Variants in SORCS2 observed in about 807,000 individuals in gnomAD.
SORCS2 encodes the protein sortilin related VPS10 domain containing receptor 2.
Under a neutral mutation model 141.6 loss-of-function variants are expected in SORCS2, and 100 were observed. The observed-to-expected ratio is 0.71, with a 90% CI of 0.60 to 0.83. The LOEUF is 0.83. Ranked by LOEUF, SORCS2 falls within the 40% of genes least tolerant of loss-of-function variation. The pLI is 0.00. For synonymous variants in SORCS2, 789 were observed against 676.9 expected (o/e 1.17, Z -2.57); for missense variants, 1,646 against 1,560.2 (o/e 1.05, Z -0.93).
chr4:7,270,168 A>G (rs1715019804), intron 1 of SORCS2, among the ~76,000 whole-genome samples: 1 of 152,260 alleles, frequency 6.6e-6, no homozygotes, highest in South Asian at 2.1e-4. Flanking sequence ...GGCATGAGCC[A>G]CCGTGCCCAT....
At chr4:7,657,716 CTGAG>C (rs750791883) in intron 5 of SORCS2, among the ~76,000 whole-genome samples, 3 of 149,626 alleles carry the variant, frequency 2.0e-5, no homozygotes, top group Admixed American at 6.6e-5. Flanking sequence ...GAGTGAGTAG[CTGAG>C]TGAGTGAGTC....
intron 2 of SORCS2, among the ~76,000 whole-genome samples, chr4:7,502,019 T>C: frequency 6.6e-6 from 1 of 152,226 alleles, no homozygotes; most frequent in Admixed American, 6.5e-5. Context: ...GCCCCTACAG[T>C]GCAGTCCTTC....
chr4:7,323,959 G>T (rs1719070987), intron 1 of SORCS2, among the ~76,000 whole-genome samples: 1 of 152,152 alleles, frequency 6.6e-6, no homozygotes, highest in Admixed American at 6.5e-5. Flanking sequence ...CATTTGCAGA[G>T]ACCCCACTGT....
chr4:7,266,801 A>C (rs1231008700), intron 1 of SORCS2, among the ~76,000 whole-genome samples: 1 of 152,194 alleles, frequency 6.6e-6, no homozygotes, highest in African/African-American at 2.4e-5. Context: ...GTTCTGCCTC[A>C]GTGGCTCCAG....
intron 1 of SORCS2, among the ~76,000 whole-genome samples, chr4:7,288,551 G>A (rs1245316656): frequency 1.7e-5 from 2 of 120,414 alleles, no homozygotes; most frequent in Admixed American, 8.0e-5. Flanking sequence ...TCCCAGGGGC[G>A]GGGGGCGGGG....
chr4:7,253,196 G>T (rs768732103), intron 1 of SORCS2, among the ~76,000 whole-genome samples: 2 of 152,180 alleles, frequency 1.3e-5, no homozygotes, highest in African/African-American at 4.8e-5. Context: ...AGGTCTTATC[G>T]CCATCCCTGT....
intron 1 of SORCS2, among the ~76,000 whole-genome samples, chr4:7,366,472 C>G (rs1016582098): frequency 3.6e-4 from 5 of 13,738 alleles, no homozygotes; most frequent in African/African-American, 6.8e-4. Flanking sequence ...TTAGCGTGCC[C>G]CTCCCCCCCT....
chr4:7,694,737 T>C (rs1308592812), intron 11 of SORCS2, among the ~76,000 whole-genome samples: 3 of 152,172 alleles, frequency 2.0e-5, no homozygotes, highest in African/African-American at 7.2e-5. Context: ...TCAGCACCTT[T>C]TGTTTGCCAG....
intron 3 of SORCS2, among the ~76,000 whole-genome samples, chr4:7,538,781 C>A (rs2109573379): frequency 6.6e-6 from 1 of 152,308 alleles, no homozygotes; most frequent in Middle Eastern, 3.4e-3. Context: ...CGCTCACTCG[C>A]CCGTGTCTTC....
intron 2 of SORCS2, chr4:7,431,648 C>G (rs1577550891): frequency 2.0e-5 from 3 of 152,332 alleles, no homozygotes; most frequent in East Asian, 3.9e-4. Flanking sequence ...GAGCTGCCTT[C>G]CCATGGCCCA....
chr4:7,541,844 T>C (rs535545138), intron 3 of SORCS2, among the ~76,000 whole-genome samples: 1 of 152,250 alleles, frequency 6.6e-6, no homozygotes, highest in African/African-American at 2.4e-5. Flanking sequence ...AAAACGCAGA[T>C]AGAAACCAAC....
Position 7,551,458 on chromosome 4 carries a change from G to A in SORCS2, c.648+19829G>A, listed in dbSNP as rs182248892. Among the ~76,000 whole-genome samples the A allele has an allele frequency of 8.5e-5, 13 of 152,268 alleles. No homozygotes were observed. In the South Asian group the frequency reaches 1.0e-3, roughly 12 times the overall value. On this transcript the variant is annotated intron_variant, in intron 3 of 26. Coordinates refer to ENST00000507866, the MANE Select transcript of SORCS2 (RefSeq NM_020777.3). ...AAATGGGTGATCCTTATGCCACATC[G>A]GCTGTGCATGCTGAGCCAGAGGGCA...
chr4:7,303,080 A>T (rs1546266), intron 1 of SORCS2, among the ~76,000 whole-genome samples: 2 of 151,958 alleles, frequency 1.3e-5, no homozygotes, highest in African/African-American at 4.8e-5. Context: ...TCCTCCATGC[A>T]CACAAAACAG....
intron 2 of SORCS2, among the ~76,000 whole-genome samples, chr4:7,467,255 C>T (rs1729675194): frequency 6.6e-6 from 1 of 152,152 alleles, no homozygotes; most frequent in Non-Finnish European, 1.5e-5. Context: ...TCCACAGCCC[C>T]CACGCTGCTG....
intron 19 of SORCS2, among the ~76,000 whole-genome samples, chr4:7,724,760 T>G (rs57787124): frequency 0.1 from 934 of 9,324 alleles, 2 homozygotes; most frequent in East Asian, 0.13. Context: ...GGTGGTGGTG[T>G]TGGTGATGAT....
chr4:7,312,817 C>T (rs949697983), intron 1 of SORCS2, among the ~76,000 whole-genome samples: 1 of 152,250 alleles, frequency 6.6e-6, no homozygotes. Context: ...TCTGAGCTGG[C>T]TGCTCTGCAG....
At chr4:7,415,309 C>T (rs1293608673) in intron 2 of SORCS2, among the ~76,000 whole-genome samples, 1 of 152,212 alleles carries the variant, frequency 6.6e-6, no homozygotes, top group African/African-American at 2.4e-5. Flanking sequence ...GGTCGTTTCT[C>T]TCCCAGGGCT....
At chr4:7,724,492 G>GTTA (rs1553808425) in intron 19 of SORCS2, among the ~76,000 whole-genome samples, 1 of 142,296 alleles carries the variant, frequency 7.0e-6, no homozygotes. Context: ...GATGGTGGTG[G>GTTA]TGGTGACAAT....
chr4:7,447,749 G>C (rs1460410146), intron 2 of SORCS2, among the ~76,000 whole-genome samples: 1 of 152,148 alleles, frequency 6.6e-6, no homozygotes, highest in Non-Finnish European at 1.5e-5. Flanking sequence ...ACGGAGCCGG[G>C]CATTTCGAAA....
Sources: allele counts gnomAD v4.1 joint callset (sites outside exome capture counted in the v4.1 genomes callset), GRCh38; gene constraint gnomAD v4.1.1; transcripts MANE v1.5; gene names NCBI Gene and HGNC (gene_info 2026-07-23, HGNC 2026-07-21).